Variants in CPS1 observed in about 807,000 individuals in gnomAD.
CPS1 encodes carbamoyl-phosphate synthase [ammonia], mitochondrial.
CPS1 carries 109 observed loss-of-function variants against 174.6 expected under a neutral mutation model. The ratio of observed to expected loss-of-function variants is 0.62; its 90% CI spans 0.53 to 0.73. The LOEUF is 0.73. CPS1 is among the 30% of genes least tolerant of loss of function. CPS1 has a pLI of 0.00. For synonymous variants in CPS1, 637 were observed against 632.0 expected (o/e 1.01, Z -0.12); for missense variants, 1,689 against 1,821.9 (o/e 0.93, Z 1.33).
intron 1 of CPS1, among the ~76,000 whole-genome samples, chr2:210,572,046 G>GC (rs767324837): frequency 3.6e-4 from 54 of 151,806 alleles, no homozygotes; most frequent in Middle Eastern, 3.2e-3. Flanking sequence ...CTTAAACCTT[G>GC]CAGAAAGAAT....
intron 1 of CPS1, among the ~76,000 whole-genome samples, chr2:210,480,198 C>T (rs143911990): frequency 1.7e-4 from 26 of 152,190 alleles, no homozygotes; most frequent in African/African-American, 5.1e-4. Context: ...ATAGGTGTGT[C>T]GGTATTGCAG....
intron 1 of CPS1, among the ~76,000 whole-genome samples, chr2:210,521,949 T>C (rs1300788488): frequency 1.3e-5 from 2 of 151,956 alleles, no homozygotes; most frequent in African/African-American, 4.8e-5. Context: ...TTGGTAACAG[T>C]TTGAGCCTTT....
intron 1 of CPS1, among the ~76,000 whole-genome samples, chr2:210,518,887 A>G (rs56013633): frequency 0.012 from 1,823 of 152,110 alleles, 44 homozygotes; most frequent in African/African-American, 0.042. Context: ...TACCAAATTC[A>G]GCTCATTATC....
In CPS1 at chr2:210,650,435, T is replaced by G. The variant is rs374005980; in HGVS notation, c.3477T>G (p.Ser1159=). The G allele has an allele frequency of 2.5e-6, 4 of 1,606,380 alleles. No individual in the cohort carries two copies. The African/African-American group carries it at 5.4e-5, about 21-fold the overall frequency. Residue 1159 remains serine, a synonymous_variant, in exon 28 of 38, where the codon TCT becomes TCG. Coordinates refer to ENST00000233072, the MANE Select transcript of CPS1 (RefSeq NM_001875.5). ...KKFLEEATRV[S]QEHPVVLTKF... ...TCCTAGAAGAGGCGACTAGAGTTTC[T>G]CAGGTAGTGTCCAATTTCTTTGTAG...
chr2:210,586,915 T>G (rs1254816543), intron 6 of CPS1, among the ~76,000 whole-genome samples: 1 of 152,070 alleles, frequency 6.6e-6, no homozygotes, highest in Non-Finnish European at 1.5e-5. Flanking sequence ...AATTACAATT[T>G]TCTGTAGCTA....
intron 19 of CPS1, among the ~76,000 whole-genome samples, chr2:210,610,315 G>T (rs1699067607): frequency 1.3e-5 from 2 of 151,888 alleles, no homozygotes; most frequent in South Asian, 2.1e-4. Flanking sequence ...AAAATAAAAG[G>T]TAGGGGGGAG....
intron 1 of CPS1, among the ~76,000 whole-genome samples, chr2:210,517,059 C>G (rs1451448037): frequency 6.6e-6 from 1 of 151,756 alleles, no homozygotes; most frequent in African/African-American, 2.4e-5. Context: ...TTCTATATCC[C>G]TATTTTATTT....
At chr2:210,603,505 T>C (rs1332456785) in intron 16 of CPS1, among the ~76,000 whole-genome samples, 4 of 151,878 alleles carry the variant, frequency 2.6e-5, no homozygotes. Context: ...AAAAACATGT[T>C]TTTGAAGATA....
chr2:210,522,697 C>A (rs1202588654), intron 1 of CPS1, among the ~76,000 whole-genome samples: 1 of 151,954 alleles, frequency 6.6e-6, no homozygotes, highest in Non-Finnish European at 1.5e-5. Context: ...GCTATCACTT[C>A]TTGGGTTCAT....
chr2:210,574,453 C>G (rs1697618598), intron 2 of CPS1, among the ~76,000 whole-genome samples: 1 of 151,974 alleles, frequency 6.6e-6, no homozygotes, highest in Admixed American at 6.6e-5. Context: ...TCTTGCCTCC[C>G]TGTGTGAAAT....
chr2:210,522,610 C>A (rs1010879326), intron 1 of CPS1, among the ~76,000 whole-genome samples: 5 of 151,936 alleles, frequency 3.3e-5, no homozygotes, highest in Non-Finnish European at 7.4e-5. Context: ...ATTGGATTGG[C>A]TACCAAGGAA....
chr2:210,653,853 C>T (rs1296601538), intron 28 of CPS1, among the ~76,000 whole-genome samples, 172 bp from the exon 29 acceptor site: 1 of 152,218 alleles, frequency 6.6e-6, no homozygotes, highest in African/African-American at 2.4e-5. Context: ...AAGCAAAGAA[C>T]AACCTTGTTC....
intron 9 of CPS1, among the ~76,000 whole-genome samples, chr2:210,591,409 G>A (rs1044524198): frequency 6.6e-6 from 1 of 151,694 alleles, no homozygotes; most frequent in Non-Finnish European, 1.5e-5. Context: ...TTTTCCCATG[G>A]CCCACCCTCT....
At chr2:210,649,598 A>G (rs1700499309) in intron 27 of CPS1, among the ~76,000 whole-genome samples, 1 of 152,240 alleles carries the variant, frequency 6.6e-6, no homozygotes, top group African/African-American at 2.4e-5. Context: ...AATATATGCA[A>G]TTACTATTTG....
chr2:210,624,270 A>G (rs933859090), intron 21 of CPS1, among the ~76,000 whole-genome samples: 1 of 152,142 alleles, frequency 6.6e-6, no homozygotes, highest in Admixed American at 6.5e-5. Context: ...AAAAGAAACA[A>G]CACAAACTCC....
At chr2:210,553,267 G>C (rs1179330345), upstream of CPS1, among the ~76,000 whole-genome samples, 1 of 151,798 alleles carries the variant, frequency 6.6e-6, no homozygotes, top group Non-Finnish European at 1.5e-5. Context: ...TGTTAACAGA[G>C]ATTATGTTTG....
intron 20 of CPS1, 101 bp from the exon 21 acceptor site, chr2:210,616,322 C>T (rs765853863): frequency 4.1e-5 from 33 of 810,850 alleles, no homozygotes; most frequent in Non-Finnish European, 6.1e-5. Context: ...GTCTCGGGCT[C>T]TCTAAATAAC....
At chr2:210,615,591 C>T (rs760765267) in intron 20 of CPS1, among the ~76,000 whole-genome samples, 5 of 152,030 alleles carry the variant, frequency 3.3e-5, no homozygotes, top group Non-Finnish European at 7.4e-5. Context: ...GGTATATACA[C>T]GTACACATAC....
intron 1 of CPS1, among the ~76,000 whole-genome samples, chr2:210,530,538 C>T (rs913422052): frequency 6.6e-6 from 1 of 152,006 alleles, no homozygotes; most frequent in Non-Finnish European, 1.5e-5. Context: ...TAAGTGTTTT[C>T]AACACTGTAA....
Sources: gnomAD v4.1 joint callset for allele counts (sites outside exome capture counted in the v4.1 genomes callset) on GRCh38, gnomAD v4.1.1 for gene constraint, MANE v1.5 for transcripts, NCBI Gene and HGNC (gene_info 2026-07-23, HGNC 2026-07-21) for gene names.